Variants in DPP6 observed in about 807,000 individuals in gnomAD.
DPP6 encodes dipeptidyl peptidase like 6.
DPP6 carries 69 observed loss-of-function variants against 122.6 expected under a neutral mutation model. The observed-to-expected ratio is 0.56, with a 90% CI of 0.46 to 0.69. The LOEUF (loss-of-function observed/expected upper bound fraction) is 0.69, where lower values mean the gene tolerates loss of function less well. DPP6 is among the 30% of genes least tolerant of loss of function. The pLI is 0.00. For synonymous variants in DPP6, 418 were observed against 433.1 expected (o/e 0.97, Z 0.43); for missense variants, 928 against 1,116.9 (o/e 0.83, Z 2.41).
the DPP6 span, among the ~76,000 whole-genome samples, chr7:153,798,214 TACTTCCCAAAGGCCCC>T: frequency 6.6e-6 from 1 of 152,146 alleles, no homozygotes; most frequent in Non-Finnish European, 1.5e-5. Flanking sequence ...TATACCTAAT[TACTTCCCAAAGGCCCC>T]ACTTCCCAAT....
chr7:154,458,763 T>C (rs1026888681), intron 2 of DPP6, among the ~76,000 whole-genome samples: 1 of 152,204 alleles, frequency 6.6e-6, no homozygotes, highest in Non-Finnish European at 1.5e-5. Flanking sequence ...TTAGAAGCCA[T>C]GTGCCAGCCC....
chr7:154,073,607 T>G (rs1390126246), intron 1 of DPP6, among the ~76,000 whole-genome samples: 1 of 152,182 alleles, frequency 6.6e-6, no homozygotes, highest in Non-Finnish European at 1.5e-5. Context: ...AATACATGAA[T>G]GAACTTCAGC....
chr7:154,811,999 G>A (rs1799090903), intron 16 of DPP6, among the ~76,000 whole-genome samples: 1 of 152,146 alleles, frequency 6.6e-6, no homozygotes, highest in Non-Finnish European at 1.5e-5. Context: ...CTTCTCTATG[G>A]TAAAATCTGT....
chr7:154,762,665 A>T (rs189888666), intron 8 of DPP6, among the ~76,000 whole-genome samples: 4 of 152,254 alleles, frequency 2.6e-5, no homozygotes, highest in Non-Finnish European at 5.9e-5. Context: ...CCGGAAGCTT[A>T]GAACCTGTAG....
At chr7:154,891,351 C>G (rs1281141365) in intron 25 of DPP6, 2 of 152,204 alleles carry the variant, frequency 1.3e-5, no homozygotes, top group African/African-American at 4.8e-5. Context: ...AGCCATCATC[C>G]TATTGGCATC....
At chr7:153,991,855 C>G (rs1161349008) in intron 1 of DPP6, among the ~76,000 whole-genome samples, 1 of 151,830 alleles carries the variant, frequency 6.6e-6, no homozygotes, top group Non-Finnish European at 1.5e-5. Flanking sequence ...TTATTACACT[C>G]CCTGTCTTAG....
intron 1 of DPP6, among the ~76,000 whole-genome samples, chr7:154,314,892 G>A (rs573757925): frequency 5.3e-5 from 8 of 152,170 alleles, no homozygotes; most frequent in Non-Finnish European, 1.0e-4. Context: ...ACAAATTCTC[G>A]CCTGGAGGTC....
At chr7:153,839,890 G>A in the DPP6 span, among the ~76,000 whole-genome samples, 1 of 152,186 alleles carries the variant, frequency 6.6e-6, no homozygotes, top group Non-Finnish European at 1.5e-5. Context: ...CTGGTCTTGA[G>A]GTCCACATTT....
intron 1 of DPP6, among the ~76,000 whole-genome samples, chr7:154,296,735 A>G (rs1805566831): frequency 6.6e-6 from 1 of 152,250 alleles, no homozygotes; most frequent in Admixed American, 6.5e-5. Flanking sequence ...AAACACATAC[A>G]TTTGAGTACT....
chr7:154,801,590 G>C, intron 13 of DPP6, 128 bp downstream of exon 13: 1 of 1,316,478 alleles, frequency 7.6e-7, no homozygotes, highest in Non-Finnish European at 1.0e-6. Flanking sequence ...GGTTCCCGAA[G>C]GCAGGGCAGG....
At chr7:154,602,951 T>C (rs1445094764) in intron 5 of DPP6, among the ~76,000 whole-genome samples, 1 of 111,482 alleles carries the variant, frequency 9.0e-6, no homozygotes, top group Non-Finnish European at 2.0e-5. Flanking sequence ...TTCTCTCAAC[T>C]TTTGTTTATC....
upstream of DPP6, among the ~76,000 whole-genome samples, chr7:153,886,500 C>T (rs1469945451): frequency 2.0e-5 from 3 of 152,136 alleles, no homozygotes; most frequent in African/African-American, 7.2e-5. Context: ...CCGCAGGCAG[C>T]CAAGAGCGAG....
At chr7:154,021,523 C>A (rs1585188070) in intron 1 of DPP6, among the ~76,000 whole-genome samples, 1 of 152,262 alleles carries the variant, frequency 6.6e-6, no homozygotes, top group East Asian at 1.9e-4. Flanking sequence ...AGCCTACAAC[C>A]ATTTTCACAT....
At chr7:153,855,181 A>G in the DPP6 span, among the ~76,000 whole-genome samples, 1 of 150,996 alleles carries the variant, frequency 6.6e-6, no homozygotes, top group Non-Finnish European at 1.5e-5. Context: ...TGGCACATGT[A>G]TACATATGTA....
chr7:154,323,785 C>G (rs966919332), intron 1 of DPP6, among the ~76,000 whole-genome samples: 7 of 152,168 alleles, frequency 4.6e-5, no homozygotes, highest in Non-Finnish European at 1.0e-4. Flanking sequence ...CATAGAGGTT[C>G]TGAGTCTCCT....
chr7:153,934,794 T>G (rs910838615), intron 1 of DPP6, among the ~76,000 whole-genome samples: 4 of 152,106 alleles, frequency 2.6e-5, no homozygotes, highest in Admixed American at 6.5e-5. Flanking sequence ...CCCAGATGCT[T>G]TGCTGAGTCA....
chr7:154,015,093 G>A (rs184203659), intron 1 of DPP6, among the ~76,000 whole-genome samples: 11 of 152,084 alleles, frequency 7.2e-5, no homozygotes, highest in African/African-American at 2.7e-4. Flanking sequence ...ATTGGTGGTG[G>A]TTCTCAAACC....
At chr7:154,153,585 A>C (rs908607594) in intron 1 of DPP6, among the ~76,000 whole-genome samples, 149 of 152,280 alleles carry the variant, frequency 9.8e-4, no homozygotes, top group African/African-American at 3.5e-3. Flanking sequence ...CAGCCAATAC[A>C]CCTGCAGGTC....
At chr7:153,828,853 T>A in the DPP6 span, among the ~76,000 whole-genome samples, 1 of 152,220 alleles carries the variant, frequency 6.6e-6, no homozygotes, top group Non-Finnish European at 1.5e-5. Flanking sequence ...CATAATATTT[T>A]AAAAATCTGC....
Sources: allele counts gnomAD v4.1 joint callset (sites outside exome capture counted in the v4.1 genomes callset), GRCh38; gene constraint gnomAD v4.1.1; transcripts MANE v1.5; gene names NCBI Gene and HGNC (gene_info 2026-07-23, HGNC 2026-07-21).